The following LIFR variants were observed in gnomAD, a reference collection of about 807,000 sequenced individuals.
LIFR encodes leukemia inhibitory factor receptor.
Under a neutral mutation model 122.2 loss-of-function variants are expected in LIFR, and 84 were observed. The observed-to-expected ratio is 0.69, with a 90% CI of 0.58 to 0.82. The LOEUF (loss-of-function observed/expected upper bound fraction) is 0.82, where lower values mean the gene tolerates loss of function less well. Ranked by LOEUF, LIFR falls within the 40% of genes least tolerant of loss-of-function variation. The pLI is 0.00. For missense variants in LIFR, 1,294 were observed against 1,311.6 expected, an observed-to-expected ratio of 0.99 and a Z score of 0.21; for synonymous variants, 422 against 434.7, an observed-to-expected ratio of 0.97 and a Z score of 0.36.
At chr5:38,588,051 A>G (rs2112756137) in intron 1 of LIFR, among the ~76,000 whole-genome samples, 1 of 152,334 alleles carries the variant, frequency 6.6e-6, no homozygotes, top group Admixed American at 6.5e-5. Context: ...TTTGACCTAG[A>G]GCAACATTAT....
chr5:38,605,284 T>C (rs1413151003), intron 2 of LIFR, among the ~76,000 whole-genome samples: 1 of 152,148 alleles, frequency 6.6e-6, no homozygotes, highest in African/African-American at 2.4e-5. Flanking sequence ...CCATTTTGCA[T>C]AGAGGCAGGC....
At chr5:38,604,619 T>A in intron 2 of LIFR, among the ~76,000 whole-genome samples, 1 of 151,898 alleles carries the variant, frequency 6.6e-6, no homozygotes, top group Non-Finnish European at 1.5e-5. Context: ...GAGAATTCCT[T>A]GAACCTGGGA....
intron 10 of LIFR, among the ~76,000 whole-genome samples, 184 bp downstream of exon 10, chr5:38,503,792 A>G (rs746301632): frequency 1.3e-5 from 2 of 149,280 alleles, no homozygotes; most frequent in African/African-American, 2.4e-5. Flanking sequence ...AGTAAAAGTC[A>G]TATTTACAAT....
At chr5:38,579,602 T>C (rs1315258560) in intron 1 of LIFR, 1 of 152,120 alleles carries the variant, frequency 6.6e-6, no homozygotes, top group Non-Finnish European at 1.5e-5. Context: ...TAACCCCAAG[T>C]TTCCAAGCTT....
At chr5:38,499,414 G>T in intron 12 of LIFR, 99 bp downstream of exon 12, 1 of 825,348 alleles carries the variant, frequency 1.2e-6, no homozygotes, top group Non-Finnish European at 2.1e-6. Flanking sequence ...ACAAAAGCCA[G>T]TCTGGGAAGT....
At chr5:38,585,122 AAAGC>A (rs1293606254) in intron 1 of LIFR, among the ~76,000 whole-genome samples, 1 of 152,240 alleles carries the variant, frequency 6.6e-6, no homozygotes, top group East Asian at 1.9e-4. Flanking sequence ...ATAGAATACA[AAAGC>A]TAAAGTTTTA....
At chr5:38,494,745 G>A (rs538754835) in intron 13 of LIFR, among the ~76,000 whole-genome samples, 89 of 152,234 alleles carry the variant, frequency 5.8e-4, no homozygotes, top group African/African-American at 1.9e-3. Flanking sequence ...AGTAATTGTC[G>A]CAGGAGCCAG....
At chr5:38,548,894 C>A (rs1055083801) in intron 1 of LIFR, among the ~76,000 whole-genome samples, 9 of 152,142 alleles carry the variant, frequency 5.9e-5, no homozygotes, top group Admixed American at 2.0e-4. Context: ...CACAATTATT[C>A]TGCTTGGAAA....
chr5:38,534,022 T>C (rs1747159703), intron 1 of LIFR, among the ~76,000 whole-genome samples: 1 of 152,190 alleles, frequency 6.6e-6, no homozygotes, highest in Non-Finnish European at 1.5e-5. Flanking sequence ...TAAATAAGCC[T>C]ACGAGTGGGT....
At chr5:38,590,567 A>T (rs1352613801) in intron 1 of LIFR, among the ~76,000 whole-genome samples, 1 of 152,234 alleles carries the variant, frequency 6.6e-6, no homozygotes, top group Non-Finnish European at 1.5e-5. Context: ...ATGACCGTGA[A>T]TAACAATTAG....
chr5:38,561,337 T>C (rs1457554572), upstream of LIFR, among the ~76,000 whole-genome samples: 2 of 152,150 alleles, frequency 1.3e-5, no homozygotes, highest in African/African-American at 4.8e-5. Flanking sequence ...GTTGTTTCGT[T>C]TTTGTTTTTG....
chr5:38,501,135 A>G (rs896703063), intron 11 of LIFR, among the ~76,000 whole-genome samples: 20 of 152,152 alleles, frequency 1.3e-4, no homozygotes, highest in Admixed American at 1.2e-3. Context: ...TGGATTTTTA[A>G]CCCATAGAAA....
chr5:38,597,722 A>C (rs1750134864), upstream of LIFR, among the ~76,000 whole-genome samples: 1 of 152,068 alleles, frequency 6.6e-6, no homozygotes, highest in African/African-American at 2.4e-5. Context: ...AGTGACGGAG[A>C]GGGAATCCAG....
intron 1 of LIFR, among the ~76,000 whole-genome samples, chr5:38,587,161 A>G (rs986820941): frequency 1.3e-5 from 2 of 151,668 alleles, no homozygotes; most frequent in Admixed American, 6.6e-5. Context: ...CCTGCCCCTT[A>G]CCCCTCCCCA....
chr5:38,547,192 C>A (rs995405731), intron 1 of LIFR, among the ~76,000 whole-genome samples: 2 of 152,106 alleles, frequency 1.3e-5, no homozygotes, highest in African/African-American at 4.8e-5. Context: ...TTGTCACCTG[C>A]AAGTCTTGTC....
chr5:38,520,218 T>C (rs1033622382), intron 5 of LIFR, among the ~76,000 whole-genome samples: 5 of 152,156 alleles, frequency 3.3e-5, no homozygotes, highest in African/African-American at 1.2e-4. Context: ...CCCTGGTAAG[T>C]AGTGATATTG....
At chr5:38,537,793 C>T (rs1747371207) in intron 1 of LIFR, among the ~76,000 whole-genome samples, 2 of 152,052 alleles carry the variant, frequency 1.3e-5, no homozygotes, top group Non-Finnish European at 2.9e-5. Context: ...CTCTTTTGCT[C>T]CTTTTTCTAA....
At position 38,541,332 on chromosome 5, in the gene LIFR, T is replaced by C. The variant is rs144705423; in HGVS notation, c.-19-10666A>G. On this transcript the variant is annotated intron_variant, in intron 1 of 19. Transcript: ENST00000453190. ...GCTTGATAACTGATCCTGGATAAGATGATCAACAGTACTAAGAAAGGAATC... is the reference window on the plus strand; with the variant it reads ...GCTTGATAACTGATCCTGGATAAGACGATCAACAGTACTAAGAAAGGAATC... 7.2e-3 allele frequency among the ~76,000 whole-genome samples: 1,093 copies of C among 152,342 alleles called. 18 individuals are homozygous for C. Among genetic ancestry groups the C allele is most frequent in the Admixed American group, 0.034 (514 of 15,288 alleles).
intron 1 of LIFR, among the ~76,000 whole-genome samples, chr5:38,565,535 G>A (rs1343921987): frequency 6.6e-6 from 1 of 151,370 alleles, no homozygotes; most frequent in Non-Finnish European, 1.5e-5. Flanking sequence ...ATGAGATGAT[G>A]TATATGAGAA....
Sources: gnomAD v4.1 joint callset for allele counts (sites outside exome capture counted in the v4.1 genomes callset) on GRCh38, gnomAD v4.1.1 for gene constraint, MANE v1.5 for transcripts, NCBI Gene and HGNC (gene_info 2026-07-23, HGNC 2026-07-21) for gene names.